The following ELAC2 variants were observed in gnomAD, a reference collection of about 807,000 sequenced individuals.
ELAC2 encodes elaC ribonuclease Z 2, also known as zinc phosphodiesterase ELAC protein 2.
A neutral mutation model predicts 105.2 loss-of-function variants in ELAC2; 92 were observed. That is an observed-to-expected ratio of 0.87 (90% CI 0.74 to 1.04). The LOEUF (loss-of-function observed/expected upper bound fraction) is 1.04. Ranked by LOEUF, ELAC2 falls within the 50% of genes least tolerant of loss-of-function variation. The pLI is 0.00. For synonymous variants in ELAC2, 468 were observed against 409.1 expected (o/e 1.14, Z -1.74); for missense variants, 1,099 against 1,071.7 (o/e 1.03, Z -0.36).
At chr17:12,995,477 G>A (rs1489668414) in intron 19 of ELAC2, among the ~76,000 whole-genome samples, 1 of 152,234 alleles carries the variant, frequency 6.6e-6, no homozygotes, top group Non-Finnish European at 1.5e-5. Flanking sequence ...GAACTCAAAT[G>A]AGGACTGGGA....
chr17:12,993,959 A>C (rs1598193957), intron 22 of ELAC2, 128 bp from the exon 23 acceptor site: 2 of 1,329,142 alleles, frequency 1.5e-6, no homozygotes. Flanking sequence ...CTTAACGGGC[A>C]CCTCCGTAGC....
At position 13,013,289 on chromosome 17, in the gene ELAC2, A is replaced by T. The variant is rs74556312; in HGVS notation, c.491-14T>A. 1 of 1,610,292 alleles carries T rather than the reference A, an allele frequency of 6.2e-7. No homozygotes were observed. The highest frequency in any genetic ancestry group is 1.3e-5 in the African/African-American group (1 of 74,992). On this transcript the variant is annotated splice_polypyrimidine_tract_variant and intron_variant, in intron 5 of 23. Coordinates refer to ENST00000338034, the MANE Select transcript of ELAC2 (RefSeq NM_018127.7). ...GGGGCCGCACAGCTACAAGAAAACC[A>T]CACAACAGCAAAGTGATTGCATTAG...
chr17:13,013,492 G>T lies in ELAC2; in HGVS notation c.491-217C>A, dbSNP rs543799191. Among the ~76,000 whole-genome samples the T allele has an allele frequency of 3.7e-4, 56 of 152,116 alleles. No homozygotes were observed. In the South Asian group the frequency reaches 3.9e-3, roughly 11 times the overall value. On this transcript the variant is annotated intron_variant, in intron 5 of 23. Coordinates refer to ENST00000338034, the MANE Select transcript of ELAC2 (RefSeq NM_018127.7). ...TATATTTACTACAGCCAGATGAAAA[G>T]ACATTATAATCTTTGGTGACTATCC...
At chr17:13,012,830 T>C (rs2041493322) in intron 6 of ELAC2, among the ~76,000 whole-genome samples, 1 of 152,170 alleles carries the variant, frequency 6.6e-6, no homozygotes, top group South Asian at 2.1e-4. Context: ...TCTTTTAGGT[T>C]GCTGTAATCA....
chr17:13,017,473 G>A (rs774177242), intron 1 of ELAC2: 3 of 894,400 alleles, frequency 3.4e-6, no homozygotes, highest in African/African-American at 3.4e-5. Flanking sequence ...CGGGGCCCAA[G>A]GGTTGGGAAA....
chr17:13,006,946 CCT>C (rs2041142702), intron 8 of ELAC2, among the ~76,000 whole-genome samples: 1 of 151,888 alleles, frequency 6.6e-6, no homozygotes, highest in African/African-American at 2.4e-5. Flanking sequence ...ACGGTGAATC[CCT>C]GTCACTACTA....
At chr17:12,994,679 T>C in intron 21 of ELAC2, 85 bp downstream of exon 21, 1 of 1,611,398 alleles carries the variant, frequency 6.2e-7, no homozygotes, top group Admixed American at 1.7e-5. Context: ...TCTGCTGACG[T>C]TTCCCTGCAA....
rs772987468 is a variant in ELAC2 at position 12,992,144 on chromosome 17, T to TTGA, written c.*671_*673dup. On this transcript the variant is annotated 3_prime_UTR_variant, in exon 24 of 24. Coordinates refer to ENST00000338034, the MANE Select transcript of ELAC2 (RefSeq NM_018127.7). Reference sequence around the variant, plus strand: ...CTGATTGATTTGATTGATTGATTGATTGATTGATAGAGAAAGCACGCCCTG... The same window carrying TTGA: ...CTGATTGATTTGATTGATTGATTGATTGATGATTGATAGAGAAAGCACGCCCTG... Among the ~76,000 whole-genome samples, 55 of 150,240 alleles carry TTGA rather than the reference T, an allele frequency of 3.7e-4. No individual in the cohort carries two copies. Among genetic ancestry groups the TTGA allele is most frequent in the East Asian group, 2.3e-3 (12 of 5,166 alleles).
intron 11 of ELAC2, chr17:13,004,076 A>G (rs945249429): frequency 1.0e-5 from 2 of 190,762 alleles, no homozygotes; most frequent in African/African-American, 4.7e-5. Flanking sequence ...ACTTACTAAC[A>G]TGCTGATGTG....
intron 16 of ELAC2, 35 bp from the exon 17 acceptor site, chr17:12,996,720 T>G (rs776667189): frequency 2.5e-6 from 4 of 1,607,760 alleles, no homozygotes; most frequent in Non-Finnish European, 3.4e-6. Context: ...TCACTGCCAC[T>G]AGGAAGACTG....
chr17:12,999,116 G>T (rs753469850), intron 15 of ELAC2, among the ~76,000 whole-genome samples: 1 of 152,152 alleles, frequency 6.6e-6, no homozygotes, highest in Non-Finnish European at 1.5e-5. Flanking sequence ...CACCAGTGTG[G>T]GACCCACAGG....
intron 8 of ELAC2, among the ~76,000 whole-genome samples, chr17:13,008,398 GCTA>G (rs1443729191): frequency 6.6e-6 from 1 of 151,872 alleles, no homozygotes; most frequent in East Asian, 1.9e-4. Flanking sequence ...TGTAGTCCCA[GCTA>G]CTCGGGAGGC....
intron 17 of ELAC2, 85 bp downstream of exon 17, chr17:12,996,462 G>T (rs150031509): frequency 3.7e-6 from 6 of 1,600,136 alleles, no homozygotes; most frequent in Non-Finnish European, 5.1e-6. Context: ...GTTTGGAAGC[G>T]GAGGAAAAGA....
intron 8 of ELAC2, among the ~76,000 whole-genome samples, chr17:13,009,457 T>C (rs184860120): frequency 6.6e-5 from 10 of 152,336 alleles, no homozygotes; most frequent in Non-Finnish European, 1.2e-4. Context: ...ACAAACAGCT[T>C]ATTGTAACAA....
At chr17:12,993,958 C>A in intron 22 of ELAC2, 127 bp from the exon 23 acceptor site, 1 of 1,342,214 alleles carries the variant, frequency 7.5e-7, no homozygotes, top group Non-Finnish European at 1.0e-6. Context: ...TCTTAACGGG[C>A]ACCTCCGTAG....
At position 12,992,436 on chromosome 17, in the gene ELAC2, G is replaced by A. The variant is rs1598186710; in HGVS notation, c.*382C>T. ...GCAGCTGAAATACTATTTTCGTTAA[G>A]TCTCGGACACTTAGACCCACTGATC... On this transcript the variant is annotated 3_prime_UTR_variant, in exon 24 of 24. Transcript: ENST00000338034. 5.1e-6 allele frequency: 2 copies of A among 390,454 alleles called. No individual in the cohort carries two copies. Among genetic ancestry groups the A allele is most frequent in the Middle Eastern group, 7.3e-4 (1 of 1,374 alleles). The allele number at this position is 390,454 out of a possible 1,614,324, so 24.2% of individuals were successfully genotyped here. A position where few individuals can be genotyped will look rare whatever the true frequency, so the allele number is the denominator to read the frequency against.
At chr17:13,007,933 G>C (rs1329350307) in intron 8 of ELAC2, among the ~76,000 whole-genome samples, 1 of 151,840 alleles carries the variant, frequency 6.6e-6, no homozygotes, top group Non-Finnish European at 1.5e-5. Context: ...GGGCATGGTG[G>C]TTCACTCCTG....
chr17:12,995,735 G>A lies in ELAC2; in HGVS notation c.1776C>T (p.His592=). The A allele has an allele frequency of 1.9e-6, 3 of 1,612,824 alleles. No homozygotes were observed. Among genetic ancestry groups the A allele is most frequent in the Non-Finnish European group, 2.5e-6 (3 of 1,179,532 alleles). ...NQLKAWLQQY[H]NQCQEVLHHI... is the part of the protein sequence containing the mutation. ...GGTGCAGGACCTCCTGGCACTGGTT[G>A]TGGTACTGCTGGAGCCAGGCTTTGA... Residue 592 remains histidine (H), a synonymous_variant, in exon 19 of 24, where the codon CAC becomes CAT. Coordinates refer to ENST00000338034, the MANE Select transcript of ELAC2 (RefSeq NM_018127.7).
At chr17:12,996,519 C>T in intron 17 of ELAC2, 28 bp downstream of exon 17, 1 of 1,613,422 alleles carries the variant, frequency 6.2e-7, no homozygotes, top group Non-Finnish European at 8.5e-7. Context: ...CTCCAGGCTC[C>T]AGCTTTGTGG....
Sources: gnomAD v4.1 joint callset for allele counts (sites outside exome capture counted in the v4.1 genomes callset) on GRCh38, gnomAD v4.1.1 for gene constraint, MANE v1.5 for transcripts, NCBI Gene and HGNC (gene_info 2026-07-23, HGNC 2026-07-21) for gene names.